The following PPM1K variants were observed in gnomAD, a reference collection of about 807,000 sequenced individuals.
PPM1K encodes the protein protein phosphatase, Mg2+/Mn2+ dependent 1K.
PPM1K carries 19 observed loss-of-function variants against 32.6 expected under a neutral mutation model. That is an observed-to-expected ratio of 0.58 (90% CI 0.41 to 0.86). The LOEUF (loss-of-function observed/expected upper bound fraction) is 0.86, where lower values mean the gene tolerates loss of function less well. PPM1K is among the 40% of genes least tolerant of loss of function. The pLI is 0.00. For synonymous variants in PPM1K, 159 were observed against 165.3 expected, an observed-to-expected ratio of 0.96 and a Z score of 0.29; for missense variants, 362 against 461.2, an observed-to-expected ratio of 0.78 and a Z score of 1.97.
Position 88,268,195 on chromosome 4 carries a change from T to A in PPM1K, c.847A>T (p.Ile283Phe), listed in dbSNP as rs1731411069. Residue 283 changes from isoleucine to phenylalanine, a missense_variant, in exon 5 of 7, where the codon ATT becomes TTT. By Grantham distance (21) the Ile-to-Phe change is conservative. Transcript: ENST00000608933. ...GVIAEPETKR[I>F]KLHHADDSFL... ...GTTTGCAGGTCCTTTCTTACCTTAA[T>A]CCTCTTAGTTTCAGGTTCTGCTATG... The A allele has an allele frequency of 1.2e-6, 2 of 1,613,988 alleles. No homozygotes were observed. The highest frequency in any genetic ancestry group is 1.7e-6 in the Non-Finnish European group (2 of 1,180,000).
At position 88,259,833 on chromosome 4, in the gene PPM1K, C is replaced by T. The variant is rs1390626327; in HGVS notation, c.*2762G>A. Reference sequence around the variant, plus strand: ...TCCTCTTTGTCGAACCTGGCAATCTCAGTGAGCTATGATTGCACCACTGCA... The same window carrying T: ...TCCTCTTTGTCGAACCTGGCAATCTTAGTGAGCTATGATTGCACCACTGCA... On this transcript the variant is annotated 3_prime_UTR_variant, in exon 7 of 7. Transcript: ENST00000608933. 1 of 152,228 alleles carries T rather than the reference C, an allele frequency of 6.6e-6. No individual in the cohort carries two copies. Among genetic ancestry groups the T allele is most frequent in the Non-Finnish European group, 1.5e-5 (1 of 68,094 alleles). The allele number at this position is 152,228 out of a possible 1,614,324, so 9.4% of individuals were successfully genotyped here.
chr4:88,262,622 G>A lies in PPM1K; in HGVS notation c.1092C>T (p.Ser364=). The A allele has an allele frequency of 6.2e-7, 1 of 1,614,102 alleles. No homozygotes were observed. The highest frequency in any genetic ancestry group is 8.5e-7 in the Non-Finnish European group (1 of 1,179,994). ...NSEINFSFSR[S]FASSGRWA The stretch of plus-strand genomic sequence containing the variant: ...AGGCCCATCGTCCACTGGAGGCAAA[G>A]CTTCTGCTGAATGAGAAGTTGATTT... The change falls in exon 7 of 7, where the codon AGC becomes AGT. Residue 364 remains serine, a synonymous_variant. Coordinates refer to ENST00000608933, the MANE Select transcript of PPM1K (RefSeq NM_152542.5).
chr4:88,265,028 G>T lies in PPM1K; in HGVS notation c.960C>A (p.Asn320Lys). The T allele has an allele frequency of 6.2e-7, 1 of 1,614,118 alleles. No individual in the cohort carries two copies. The highest frequency in any genetic ancestry group is 8.5e-7 in the Non-Finnish European group (1 of 1,180,024). Reference protein sequence around the residue: ...CDFVNQCHDPNEAAHAVTEQA... With the variant: ...CDFVNQCHDPKEAAHAVTEQA... ...GTTCAGTCACCGCATGGGCTGCTTCGTTGGGATCATGGCACTGATTGACAA... is the reference window on the plus strand; with the variant it reads ...GTTCAGTCACCGCATGGGCTGCTTCTTTGGGATCATGGCACTGATTGACAA... The change falls in exon 6 of 7, where the codon AAC becomes AAA. Residue 320 changes from asparagine (N) to lysine (K), a missense_variant. Asn to Lys is a moderately conservative substitution (Grantham distance 94, BLOSUM62 0). Transcript: ENST00000608933.
chr4:88,272,370 G>C (rs1343983320), intron 3 of PPM1K, among the ~76,000 whole-genome samples: 1 of 152,132 alleles, frequency 6.6e-6, no homozygotes, highest in Non-Finnish European at 1.5e-5. Flanking sequence ...TTTCTGGTGA[G>C]ACTCATAATG....
chr4:88,265,824 A>G (rs144611474), intron 5 of PPM1K, among the ~76,000 whole-genome samples: 1 of 152,210 alleles, frequency 6.6e-6, no homozygotes, highest in Non-Finnish European at 1.5e-5. Flanking sequence ...ATCTTGATTT[A>G]ATTCCATAAT....
chr4:88,274,492 C>G (rs1296884179), intron 3 of PPM1K, among the ~76,000 whole-genome samples: 1 of 152,074 alleles, frequency 6.6e-6, no homozygotes, highest in Non-Finnish European at 1.5e-5. Context: ...AGTCCTTCAC[C>G]TCACAGGAAG....
Position 88,262,137 on chromosome 4 carries a change from C to A in PPM1K, c.*458G>T, listed in dbSNP as rs571935041. 1 of 152,748 alleles carries A rather than the reference C, an allele frequency of 6.5e-6. No homozygotes were observed. The highest frequency in any genetic ancestry group is 2.1e-4 in the South Asian group (1 of 4,862). The allele number at this position is 152,748 out of a possible 1,614,324, so 9.5% of individuals were successfully genotyped here. On this transcript the variant is annotated 3_prime_UTR_variant, in exon 7 of 7. Coordinates refer to ENST00000608933, the MANE Select transcript of PPM1K (RefSeq NM_152542.5). ...GGTACAGTTATTAAAAATAAAAACT[C>A]GCATTTTAGGATTAGGGAAGTCTGG...
At position 88,258,438 on chromosome 4, in the gene PPM1K, G is replaced by A. The variant is rs139440853; in HGVS notation, c.*4157C>T. On this transcript the variant is annotated 3_prime_UTR_variant, in exon 7 of 7. Transcript: ENST00000608933. ...AGGTCAAGAGATCGAGACCATCCTG[G>A]CCAATATGGTGAAACCCTGTCTCTA... is the stretch of plus-strand genomic sequence containing the variant. 5,664 of 152,000 alleles carry A rather than the reference G, an allele frequency of 0.037. 310 individuals carry two copies. Among genetic ancestry groups the A allele is most frequent in the East Asian group, 0.27 (1,374 of 5,108 alleles). The allele number at this position is 152,000 out of a possible 1,614,324, so 9.4% of individuals were successfully genotyped here. A position where few individuals can be genotyped will look rare whatever the true frequency, so the allele number is the denominator to read the frequency against.
At chr4:88,266,613 GGCTGATTGGGTGCAGGTGAT>G (rs1379719612) in intron 5 of PPM1K, among the ~76,000 whole-genome samples, 3 of 148,904 alleles carry the variant, frequency 2.0e-5, no homozygotes, top group Admixed American at 6.7e-5. Flanking sequence ...AGGTGATGTT[GGCTGATTGGGTGCAGGTGAT>G]GCTGATTGGG....
chr4:88,276,963 T>G (rs1731789143), intron 3 of PPM1K, 180 bp downstream of exon 3: 8 of 657,698 alleles, frequency 1.2e-5, no homozygotes, highest in Non-Finnish European at 1.9e-5. Context: ...GTATTAACAT[T>G]AATTGGAGTT....
At chr4:88,268,110 G>C (rs1731406325) in intron 5 of PPM1K, 80 bp downstream of exon 5, 2 of 1,462,408 alleles carry the variant, frequency 1.4e-6, no homozygotes, top group Middle Eastern at 1.8e-4. Context: ...TTCAGTTAAG[G>C]CTTCCAAGAA....
Position 88,278,750 on chromosome 4 carries a change from G to A in PPM1K, c.-59-108C>T. On this transcript the variant is annotated intron_variant, in intron 1 of 6. Coordinates refer to ENST00000608933, the MANE Select transcript of PPM1K (RefSeq NM_152542.5). This position sits in a 1 kb window ranked among gnomAD's most constrained non-coding sequence, Gnocchi z 4.2. ...ACCATCAGAAATTTTGAATATAACT[G>A]ATATGTCATCAAATATTACCAAAAA... is the stretch of plus-strand genomic sequence containing the variant. The A allele has an allele frequency of 1.7e-6, 1 of 587,430 alleles. No individual in the cohort carries two copies. The highest frequency in any genetic ancestry group is 3.0e-6 in the Non-Finnish European group (1 of 335,304). 36.4% of individuals were successfully genotyped at this position (587,430 alleles called of 1,614,324 possible).
In PPM1K at chr4:88,261,498, T is replaced by A. The variant is rs970395336; in HGVS notation, c.*1097A>T. Reference sequence around the variant, plus strand: ...TACAAAATACTTGATTCCATCAGTATTTAACTTTTGACCGGAAGACTCAGC... The same window carrying A: ...TACAAAATACTTGATTCCATCAGTAATTAACTTTTGACCGGAAGACTCAGC... On this transcript the variant is annotated 3_prime_UTR_variant, in exon 7 of 7. Coordinates refer to ENST00000608933, the MANE Select transcript of PPM1K (RefSeq NM_152542.5). The A allele has an allele frequency of 1.3e-5, 2 of 152,184 alleles. No homozygotes were observed. The highest frequency in any genetic ancestry group is 2.4e-5 in the African/African-American group (1 of 41,440). The allele number at this position is 152,184 out of a possible 1,614,324, so 9.4% of individuals were successfully genotyped here.
chr4:88,277,866 C>A, intron 2 of PPM1K: 1 of 488,268 alleles, frequency 2.0e-6, no homozygotes, highest in South Asian at 2.2e-5. Flanking sequence ...CATAGGTTAT[C>A]TCATGTACAT....
At chr4:88,265,927 G>C (rs72877288) in intron 5 of PPM1K, among the ~76,000 whole-genome samples, 3,589 of 152,308 alleles carry the variant, frequency 0.024, 143 homozygotes, top group African/African-American at 0.081. Flanking sequence ...CAGGCTTCTA[G>C]GATTTGAATC....
chr4:88,262,477 T>C lies in PPM1K; in HGVS notation c.*118A>G. 1 of 1,048,058 alleles carries C rather than the reference T, an allele frequency of 9.5e-7. No individual in the cohort carries two copies. The highest frequency in any genetic ancestry group is 1.4e-6 in the Non-Finnish European group (1 of 730,896). The allele number at this position is 1,048,058 out of a possible 1,614,324, so 64.9% of individuals were successfully genotyped here. On this transcript the variant is annotated 3_prime_UTR_variant, in exon 7 of 7. Coordinates refer to ENST00000608933, the MANE Select transcript of PPM1K (RefSeq NM_152542.5). Reference sequence around the variant, plus strand: ...ATTTATGAAAAAACTACTATCTAAGTGGTTTACACTGACTTGTGCGCTGAT... The same window carrying C: ...ATTTATGAAAAAACTACTATCTAAGCGGTTTACACTGACTTGTGCGCTGAT...
At chr4:88,281,602 G>A (rs1343630355) in intron 1 of PPM1K, among the ~76,000 whole-genome samples, 2 of 151,280 alleles carry the variant, frequency 1.3e-5, no homozygotes, top group East Asian at 3.9e-4. Context: ...GCATATTATT[G>A]GCAGAGATGA....
At chr4:88,281,151 G>C (rs750653532) in intron 1 of PPM1K, among the ~76,000 whole-genome samples, 1 of 152,010 alleles carries the variant, frequency 6.6e-6, no homozygotes, top group Non-Finnish European at 1.5e-5. Flanking sequence ...ACAATTATTA[G>C]AAAATATTTG....
At chr4:88,279,488 G>C (rs186051920) in intron 1 of PPM1K, 62 of 152,312 alleles carry the variant, frequency 4.1e-4, no homozygotes, top group African/African-American at 1.3e-3. Flanking sequence ...AAGCAGCCCT[G>C]ATTTCTGAAC....
Sources: gnomAD v4.1 joint callset for allele counts (sites outside exome capture counted in the v4.1 genomes callset) on GRCh38, gnomAD v4.1.1 for gene constraint, Gnocchi (gnomAD v3.1) non-coding constraint, MANE v1.5 for transcripts, NCBI Gene and HGNC (gene_info 2026-07-23, HGNC 2026-07-21) for gene names.